CHAT: variants seen among roughly 807,000 people sequenced by gnomAD.
CHAT encodes the protein acetyl CoA:choline O-acetyltransferase.
A neutral mutation model predicts 76.9 loss-of-function variants in CHAT; 61 were observed. The observed-to-expected ratio is 0.79, with a 90% confidence interval of 0.65 to 0.98. The LOEUF is 0.98. Ranked by LOEUF, CHAT falls within the 50% of genes least tolerant of loss-of-function variation. CHAT has a pLI of 0.00. For missense variants in CHAT, 946 were observed against 986.9 expected, an observed-to-expected ratio of 0.96 and a Z score of 0.56; for synonymous variants, 407 against 397.4, an observed-to-expected ratio of 1.02 and a Z score of -0.29.
chr10:49,648,750 C>G, intron 9 of CHAT, 143 bp downstream of exon 9: 5 of 668,532 alleles, frequency 7.5e-6, no homozygotes, highest in Non-Finnish European at 1.4e-5. Context: ...CACACACACA[C>G]ACACACACGA....
intron 7 of CHAT, among the ~76,000 whole-genome samples, chr10:49,643,753 CCT>C (rs1455579457): frequency 6.6e-6 from 1 of 152,214 alleles, no homozygotes; most frequent in Admixed American, 6.5e-5. Context: ...CTCCAGGCCC[CCT>C]GTCTGAACTG....
Position 49,667,535 on chromosome 10 carries a change from C to T in CHAT, c.*2489C>T, listed in dbSNP as rs924059220. On this transcript the variant is annotated 3_prime_UTR_variant, in exon 15 of 15. Coordinates refer to ENST00000337653, the MANE Select transcript of CHAT (RefSeq NM_020549.5). ...GAAGAGGCTGGAAGCTGGTCTTCCCCCTCCAAGAATACACGGGTGCACTGA... is the reference window on the plus strand; with the variant it reads ...GAAGAGGCTGGAAGCTGGTCTTCCCTCTCCAAGAATACACGGGTGCACTGA... Among the ~76,000 whole-genome samples, 55 of 152,276 alleles carry T rather than the reference C, an allele frequency of 3.6e-4. No homozygotes were observed. Among genetic ancestry groups the T allele is most frequent in the African/African-American group, 1.3e-3 (52 of 41,556 alleles).
chr10:49,630,522 C>T (rs558668818), intron 7 of CHAT, among the ~76,000 whole-genome samples: 1 of 152,226 alleles, frequency 6.6e-6, no homozygotes, highest in African/African-American at 2.4e-5. Context: ...AAGAAATTGT[C>T]GATGAGGCAG....
intron 1 of CHAT, 103 bp from the exon 2 acceptor site, chr10:49,616,399 C>A: frequency 1.1e-6 from 1 of 896,702 alleles, no homozygotes; most frequent in Non-Finnish European, 1.8e-6. Context: ...CAGGCTCTGG[C>A]CTCCTCATGG....
At chr10:49,611,357 A>G (rs754174017), upstream of CHAT, 1 of 1,600,718 alleles carries the variant, frequency 6.2e-7, no homozygotes, top group Non-Finnish European at 8.5e-7. Context: ...AAGTACCCGG[A>G]GGAGCCGGAG....
At chr10:49,616,883 T>C (rs1196371831) in intron 2 of CHAT, among the ~76,000 whole-genome samples, 3 of 152,214 alleles carry the variant, frequency 2.0e-5, no homozygotes, top group Non-Finnish European at 4.4e-5. Flanking sequence ...CCAGGGCCTC[T>C]CTTCATCCCA....
upstream of CHAT, chr10:49,611,844 C>A (rs1280312684): frequency 6.2e-6 from 10 of 1,604,832 alleles, no homozygotes; most frequent in Non-Finnish European, 8.5e-6. Flanking sequence ...CTGTGATCGG[C>A]GCCAGCTCGT....
At chr10:49,636,831 A>G (rs1839309092) in intron 7 of CHAT, among the ~76,000 whole-genome samples, 3 of 152,246 alleles carry the variant, frequency 2.0e-5, no homozygotes, top group Admixed American at 2.0e-4. Flanking sequence ...AAACGGGTTA[A>G]TAATTATAGG....
chr10:49,611,933 A>G (rs747379102), upstream of CHAT: 4 of 1,612,414 alleles, frequency 2.5e-6, no homozygotes, highest in Non-Finnish European at 3.4e-6. Context: ...GCCCTAGTCG[A>G]CACAGCACTG....
At chr10:49,624,669 G>T (rs1238816322) in intron 5 of CHAT, among the ~76,000 whole-genome samples, 1 of 152,234 alleles carries the variant, frequency 6.6e-6, no homozygotes, top group East Asian at 1.9e-4. Flanking sequence ...GGCCTATACG[G>T]AGGACGTGCT....
chr10:49,614,282 G>T lies in CHAT; in HGVS notation c.93G>T (p.Val31=). 6.5e-7 allele frequency: 1 copy of T among 1,548,566 alleles called. No homozygotes were observed. The highest frequency in any genetic ancestry group is 8.7e-7 in the Non-Finnish European group (1 of 1,146,584). Residue 31 remains valine (V), a synonymous_variant, in exon 1 of 15, where the codon GTG becomes GTT. Coordinates refer to ENST00000337653, the MANE Select transcript of CHAT (RefSeq NM_020549.5). ...GAGGTACAAGAGGAAGGAGAGAAGT[G>T]CGGCCAGCTTGCTTTCTCCAGTCGG... ...EGGGTRGRRE[V]RPACFLQSGG...
At chr10:49,626,010 A>C (rs188007861) in intron 6 of CHAT, among the ~76,000 whole-genome samples, 1 of 152,342 alleles carries the variant, frequency 6.6e-6, no homozygotes, top group East Asian at 1.9e-4. Flanking sequence ...TTACAGACTG[A>C]CAAATAGGAC....
chr10:49,610,947 G>C (rs750621434), upstream of CHAT: 1 of 1,610,588 alleles, frequency 6.2e-7, no homozygotes, highest in South Asian at 1.1e-5. Context: ...GGGGCGGCGA[G>C]GGCCCCACCC....
intron 6 of CHAT, among the ~76,000 whole-genome samples, chr10:49,626,511 C>T (rs1439850629): frequency 6.6e-6 from 1 of 152,218 alleles, no homozygotes; most frequent in African/African-American, 2.4e-5. Context: ...GGAGCCCTGA[C>T]ATCTGAGGGC....
chr10:49,611,390 C>G, upstream of CHAT: 1 of 1,598,856 alleles, frequency 6.3e-7, no homozygotes, highest in South Asian at 1.1e-5. Flanking sequence ...CTGGGCGTGG[C>G]GCTGGCCTTC....
At chr10:49,655,023 A>AATTT (rs1839987385) in intron 11 of CHAT, 72 bp from the exon 12 acceptor site, 1 of 1,555,522 alleles carries the variant, frequency 6.4e-7, no homozygotes, top group East Asian at 2.2e-5. Context: ...TTGCTGAGGC[A>AATTT]ATTTTTCTTT....
intron 13 of CHAT, 120 bp downstream of exon 13, chr10:49,655,568 G>A: frequency 1.1e-6 from 1 of 899,886 alleles, no homozygotes. Context: ...TCGGGGACTT[G>A]GCAAGGCCAC....
chr10:49,609,744 A>C (rs1313975200), upstream of CHAT, among the ~76,000 whole-genome samples: 1 of 150,806 alleles, frequency 6.6e-6, no homozygotes, highest in African/African-American at 2.4e-5. Flanking sequence ...GTGTGTGTGC[A>C]AGGGGCCAGG....
At chr10:49,611,284 C>T, upstream of CHAT, 2 of 1,610,350 alleles carry the variant, frequency 1.2e-6, no homozygotes, top group Non-Finnish European at 1.7e-6. Context: ...GTTCGCGGCG[C>T]GCAGCCTGCA....
Sources: gnomAD v4.1 joint callset for allele counts (sites outside exome capture counted in the v4.1 genomes callset) on GRCh38, gnomAD v4.1.1 for gene constraint, MANE v1.5 for transcripts, NCBI Gene and HGNC (gene_info 2026-07-23, HGNC 2026-07-21) for gene names.